CATSPERT: variants seen among roughly 807,000 people sequenced by gnomAD.
The protein encoded by CATSPERT is cation channel sperm-associated targeting subunit tau.
At chr2:201,593,856 T>C in the CATSPERT span, among the ~76,000 whole-genome samples, 1 of 151,898 alleles carries the variant, frequency 6.6e-6, no homozygotes, top group African/African-American at 2.4e-5. Flanking sequence ...TCCTTTTATT[T>C]TGAGCCTATG....
the CATSPERT span, among the ~76,000 whole-genome samples, chr2:201,547,076 A>G: frequency 6.6e-6 from 1 of 152,160 alleles, no homozygotes; most frequent in Non-Finnish European, 1.5e-5. Context: ...AATAGGCTAA[A>G]GCTATACAGT....
chr2:201,491,720 G>C, the CATSPERT span: 9 of 1,536,992 alleles, frequency 5.9e-6, no homozygotes, highest in East Asian at 2.0e-4. Flanking sequence ...GGTTTTTCCT[G>C]AACAGTCCAT....
chr2:201,522,639 C>T, the CATSPERT span, among the ~76,000 whole-genome samples: 1 of 152,122 alleles, frequency 6.6e-6, no homozygotes, highest in South Asian at 2.1e-4. Flanking sequence ...TGCAGGTGAC[C>T]CCATGACCCC....
At chr2:201,520,019 T>C in the CATSPERT span, among the ~76,000 whole-genome samples, 1 of 152,064 alleles carries the variant, frequency 6.6e-6, no homozygotes, top group Admixed American at 6.5e-5. Context: ...GGGATAGCTA[T>C]ACCTATATCA....
chr2:201,531,118 G>A, the CATSPERT span, among the ~76,000 whole-genome samples: 47 of 151,554 alleles, frequency 3.1e-4, no homozygotes, highest in Non-Finnish European at 5.7e-4. Context: ...CCGCCACCAC[G>A]CCCAGCTAAT....
chr2:201,522,732 T>A, the CATSPERT span, among the ~76,000 whole-genome samples: 20 of 152,148 alleles, frequency 1.3e-4, no homozygotes, highest in Non-Finnish European at 2.9e-4. Context: ...CCAGAGGGTT[T>A]AGGTGCAGGA....
chr2:201,588,810 G>A, the CATSPERT span, among the ~76,000 whole-genome samples: 2 of 151,950 alleles, frequency 1.3e-5, no homozygotes, highest in African/African-American at 4.8e-5. Context: ...AGGAACAGAG[G>A]AAGTCAAACT....
chr2:201,587,029 T>C, the CATSPERT span, among the ~76,000 whole-genome samples: 1 of 152,110 alleles, frequency 6.6e-6, no homozygotes, highest in African/African-American at 2.4e-5. Context: ...GTTTAACTTT[T>C]AGTGGTTGCT....
At chr2:201,511,869 A>C in the CATSPERT span, 8 of 149,996 alleles carry the variant, frequency 5.3e-5, no homozygotes, top group East Asian at 1.9e-4. Context: ...AAAAAAAAAA[A>C]AAAACTCTTC....
At chr2:201,500,226 G>A in the CATSPERT span, among the ~76,000 whole-genome samples, 4 of 151,928 alleles carry the variant, frequency 2.6e-5, no homozygotes, top group African/African-American at 9.7e-5. Flanking sequence ...TTAAAACAGA[G>A]GCCGACAGTC....
the CATSPERT span, among the ~76,000 whole-genome samples, chr2:201,539,928 A>C: frequency 1.3e-5 from 2 of 152,180 alleles, no homozygotes; most frequent in African/African-American, 4.8e-5. Flanking sequence ...TGAGAATGCA[A>C]AGGAAAACAT....
the CATSPERT span, chr2:201,549,884 A>C: frequency 3.3e-5 from 5 of 152,052 alleles, no homozygotes; most frequent in African/African-American, 1.2e-4. Context: ...CCTATACATG[A>C]TAGGTAAAAT....
At chr2:201,547,511 A>T in the CATSPERT span, 13 of 1,512,896 alleles carry the variant, frequency 8.6e-6, no homozygotes, top group South Asian at 1.2e-5. Flanking sequence ...TTACCTCAGA[A>T]TCCTTATGTT....
At chr2:201,539,267 A>C in the CATSPERT span, among the ~76,000 whole-genome samples, 1 of 152,074 alleles carries the variant, frequency 6.6e-6, no homozygotes, top group Non-Finnish European at 1.5e-5. Context: ...AGTTGAACTA[A>C]TTTACACTCC....
chr2:201,612,751 G>A, the CATSPERT span, among the ~76,000 whole-genome samples: 583 of 152,202 alleles, frequency 3.8e-3, 1 homozygote, highest in African/African-American at 0.013. Context: ...GCAGGGTGGG[G>A]CATCGCCTCA....
At chr2:201,611,460 G>A in the CATSPERT span, among the ~76,000 whole-genome samples, 9 of 152,228 alleles carry the variant, frequency 5.9e-5, no homozygotes, top group South Asian at 2.1e-4. Context: ...GGGATGCTGC[G>A]AAAGCAGTTA....
chr2:201,565,771 G>A, the CATSPERT span: 2 of 1,601,872 alleles, frequency 1.2e-6, no homozygotes, highest in African/African-American at 2.8e-5. Flanking sequence ...TCGCACTACA[G>A]ATGGCTGGTT....
chr2:201,607,130 C>T, the CATSPERT span, among the ~76,000 whole-genome samples: 1 of 152,132 alleles, frequency 6.6e-6, no homozygotes, highest in East Asian at 1.9e-4. Flanking sequence ...GAATTAAGCT[C>T]TCCACTTCAA....
At chr2:201,534,064 CT>C in the CATSPERT span, among the ~76,000 whole-genome samples, 1 of 151,466 alleles carries the variant, frequency 6.6e-6, no homozygotes, top group African/African-American at 2.4e-5. Context: ...ATCTATCTAT[CT>C]ATCTATCTAT....
Sources: gnomAD v4.1 joint callset for allele counts (sites outside exome capture counted in the v4.1 genomes callset) on GRCh38, gnomAD v4.1.1 for gene constraint, MANE v1.5 for transcripts, NCBI Gene and HGNC (gene_info 2026-07-23, HGNC 2026-07-21) for gene names.